The following TMEM108 variants were observed in gnomAD, a reference collection of about 807,000 sequenced individuals.
The protein encoded by TMEM108 is transmembrane protein 108.
TMEM108 carries 12 observed loss-of-function variants against 35.1 expected under a neutral mutation model. The observed-to-expected ratio is 0.34, with a 90% confidence interval of 0.22 to 0.55. The LOEUF is 0.55. Ranked by LOEUF, TMEM108 falls within the 20% of genes least tolerant of loss-of-function variation. The probability of loss-of-function intolerance (pLI) is 0.89; values close to 1 mark genes in which losing one functional copy is unlikely to be tolerated. For synonymous variants in TMEM108, 287 were observed against 308.6 expected, an observed-to-expected ratio of 0.93 and a Z score of 0.73; for missense variants, 680 against 753.3, an observed-to-expected ratio of 0.90 and a Z score of 1.14.
chr3:133,094,418 G>A (rs984172350), intron 2 of TMEM108, among the ~76,000 whole-genome samples: 19 of 152,058 alleles, frequency 1.2e-4, no homozygotes, highest in African/African-American at 4.6e-4. Flanking sequence ...TGAGGACTTA[G>A]GTCACAGAAT....
intron 3 of TMEM108, among the ~76,000 whole-genome samples, chr3:133,298,685 C>A (rs1947178410): frequency 6.6e-6 from 1 of 152,078 alleles, no homozygotes; most frequent in African/African-American, 2.4e-5. Flanking sequence ...CCATATTATG[C>A]CCATGTTACA....
intron 2 of TMEM108, among the ~76,000 whole-genome samples, chr3:133,114,170 A>G (rs1380583707): frequency 6.6e-6 from 1 of 152,196 alleles, no homozygotes; most frequent in Admixed American, 6.5e-5. Context: ...GAGATGAGCC[A>G]CTATTAGATG....
At chr3:133,114,994 G>A (rs1944270019) in intron 2 of TMEM108, among the ~76,000 whole-genome samples, 1 of 152,146 alleles carries the variant, frequency 6.6e-6, no homozygotes, top group African/African-American at 2.4e-5. Context: ...GCTGAGAAAT[G>A]TCCAGTACAT....
At chr3:133,078,113 C>T (rs1356571834) in intron 2 of TMEM108, among the ~76,000 whole-genome samples, 5 of 136,224 alleles carry the variant, frequency 3.7e-5, no homozygotes, top group East Asian at 2.3e-4. Context: ...CATGTTTTGG[C>T]GAAAAATGGT....
chr3:133,153,307 G>C (rs972528017), intron 2 of TMEM108, among the ~76,000 whole-genome samples: 1 of 151,476 alleles, frequency 6.6e-6, no homozygotes, highest in Non-Finnish European at 1.5e-5. Context: ...TAATATCTGA[G>C]TTCAGTTGGC....
intron 3 of TMEM108, among the ~76,000 whole-genome samples, chr3:133,310,421 T>C (rs1351351962): frequency 6.6e-6 from 1 of 152,148 alleles, no homozygotes; most frequent in Admixed American, 6.5e-5. Flanking sequence ...GATAATTAGC[T>C]CTTCTTGTTG....
At chr3:133,317,861 T>G (rs147781298) in intron 3 of TMEM108, among the ~76,000 whole-genome samples, 80 of 152,142 alleles carry the variant, frequency 5.3e-4, no homozygotes, top group African/African-American at 1.9e-3. Context: ...AGAAGTAAAA[T>G]GTATAGTATG....
At chr3:133,097,983 G>A (rs369460354) in intron 2 of TMEM108, among the ~76,000 whole-genome samples, 2 of 152,166 alleles carry the variant, frequency 1.3e-5, no homozygotes, top group Non-Finnish European at 1.5e-5. Context: ...CTTGTGAGGC[G>A]GTATTACAAA....
intron 3 of TMEM108, among the ~76,000 whole-genome samples, chr3:133,230,103 C>A (rs1193835268): frequency 6.6e-6 from 1 of 152,198 alleles, no homozygotes; most frequent in Non-Finnish European, 1.5e-5. Context: ...CAAACCAAAG[C>A]CAGTGAGTTG....
intron 2 of TMEM108, among the ~76,000 whole-genome samples, chr3:133,221,778 C>G (rs1241594181): frequency 1.4e-5 from 2 of 142,126 alleles, no homozygotes; most frequent in East Asian, 4.6e-4. Context: ...CTGATAACAA[C>G]TTAACTTTGA....
intron 2 of TMEM108, among the ~76,000 whole-genome samples, chr3:133,096,863 T>C (rs1944021881): frequency 6.6e-6 from 1 of 152,198 alleles, no homozygotes; most frequent in Non-Finnish European, 1.5e-5. Flanking sequence ...AATGGAGTTT[T>C]ACAAATATGA....
chr3:133,397,186 C>T lies in TMEM108; in HGVS notation c.*1200C>T, dbSNP rs970838783. Reference sequence around the variant, plus strand: ...CGCCCAAGGGGCTTCCAGAGGTGGCCGCTTCTCTATTTTTTCCTGATTGTG... The same window carrying T: ...CGCCCAAGGGGCTTCCAGAGGTGGCTGCTTCTCTATTTTTTCCTGATTGTG... On this transcript the variant is annotated 3_prime_UTR_variant, in exon 6 of 6. Coordinates refer to ENST00000321871, the MANE Select transcript of TMEM108 (RefSeq NM_023943.4). 2.0e-5 allele frequency: 3 copies of T among 152,218 alleles called. No homozygotes were observed. Among genetic ancestry groups the T allele is most frequent in the African/African-American group, 7.2e-5 (3 of 41,528 alleles). 9.4% of individuals were successfully genotyped at this position (152,218 alleles called of 1,614,324 possible).
At chr3:133,209,665 G>A (rs1484017339) in intron 2 of TMEM108, among the ~76,000 whole-genome samples, 1 of 152,122 alleles carries the variant, frequency 6.6e-6, no homozygotes, top group Non-Finnish European at 1.5e-5. Context: ...GGGGAAGGAG[G>A]TTCCTTTGGT....
intron 3 of TMEM108, among the ~76,000 whole-genome samples, chr3:133,332,009 C>T (rs933266163): frequency 1.3e-5 from 2 of 152,082 alleles, no homozygotes; most frequent in East Asian, 1.9e-4. Context: ...CATTCTTGTG[C>T]TTTTTATGGA....
chr3:133,280,343 G>A (rs986662957), intron 3 of TMEM108, among the ~76,000 whole-genome samples: 6 of 152,138 alleles, frequency 3.9e-5, no homozygotes, highest in Non-Finnish European at 7.3e-5. Context: ...TACTACCCTA[G>A]CATTGATTAA....
intron 2 of TMEM108, among the ~76,000 whole-genome samples, chr3:133,216,900 G>A (rs1289894314): frequency 1.3e-5 from 2 of 152,072 alleles, no homozygotes; most frequent in Non-Finnish European, 2.9e-5. Flanking sequence ...GAACATGGAC[G>A]TGCATATCTC....
chr3:133,052,858 G>A (rs1349635147), intron 2 of TMEM108, among the ~76,000 whole-genome samples: 2 of 152,130 alleles, frequency 1.3e-5, no homozygotes, highest in African/African-American at 4.8e-5. Context: ...CCAAGTCATT[G>A]TGTCAATCAA....
intron 3 of TMEM108, among the ~76,000 whole-genome samples, chr3:133,293,802 A>G (rs1318157501): frequency 6.6e-6 from 1 of 152,048 alleles, no homozygotes; most frequent in Non-Finnish European, 1.5e-5. Flanking sequence ...CTCTTATCTC[A>G]CAGTGTCTTG....
intron 2 of TMEM108, among the ~76,000 whole-genome samples, chr3:133,155,065 GTTC>G (rs1944860087): frequency 2.0e-5 from 3 of 151,944 alleles, no homozygotes; most frequent in Admixed American, 2.0e-4. Flanking sequence ...GTGTCCGTGT[GTTC>G]TTATTATTTA....
Sources: gnomAD v4.1 joint callset for allele counts (sites outside exome capture counted in the v4.1 genomes callset) on GRCh38, gnomAD v4.1.1 for gene constraint, MANE v1.5 for transcripts, NCBI Gene and HGNC (gene_info 2026-07-23, HGNC 2026-07-21) for gene names.